The following VAPA variants were observed in gnomAD, a reference collection of about 807,000 sequenced individuals.
VAPA encodes the protein vesicle-associated membrane protein-associated protein A.
In VAPA, 6 loss-of-function variants were observed where a neutral mutation model predicts 25.6. The ratio of observed to expected loss-of-function variants is 0.23; its 90% CI spans 0.13 to 0.46. The LOEUF is 0.46. VAPA is among the 20% of genes least tolerant of loss of function. The pLI is 0.99. For synonymous variants in VAPA, 112 were observed against 106.2 expected (o/e 1.05, Z -0.34); for missense variants, 244 against 302.1 (o/e 0.81, Z 1.43).
intron 1 of VAPA, among the ~76,000 whole-genome samples, chr18:9,927,687 T>C (rs1157827446): frequency 2.6e-5 from 4 of 152,280 alleles, no homozygotes; most frequent in Admixed American, 6.5e-5. Flanking sequence ...GACTTTTGGG[T>C]GAGCTGCCTT....
chr18:9,919,874 G>C (rs1334837913), intron 1 of VAPA, among the ~76,000 whole-genome samples: 1 of 152,214 alleles, frequency 6.6e-6, no homozygotes, highest in Non-Finnish European at 1.5e-5. Context: ...TACTAGAGGG[G>C]AGAAAGAGAT....
rs747717940 is a variant in VAPA, at chr18:9,954,232, G to GTT, written c.*23_*24dup. ...TGTAGAGTGAAGCATGCAGAGTGCT[G>GTT]TTTCTTTTTTTTTTTTTCTCTTGAC... is the stretch of plus-strand genomic sequence containing the variant. On this transcript the variant is annotated 3_prime_UTR_variant, in exon 6 of 6. Coordinates refer to ENST00000400000, the MANE Select transcript of VAPA (RefSeq NM_194434.3). The GTT allele has an allele frequency of 9.9e-6, 15 of 1,510,008 alleles. No individual in the cohort carries two copies. The African/African-American group carries it at 1.3e-4, about 13-fold the overall frequency. The allele number at this position is 1,510,008 out of a possible 1,614,324, so 93.5% of individuals were successfully genotyped here. A position where few individuals can be genotyped will look rare whatever the true frequency, so the allele number is the denominator to read the frequency against.
At chr18:9,931,749 A>G (rs190342631) in intron 1 of VAPA, 61 bp from the exon 2 acceptor site, 200 of 1,440,486 alleles carry the variant, frequency 1.4e-4, no homozygotes, top group Admixed American at 1.2e-3. Context: ...TCAGTTTTGA[A>G]TCCTTCGTTG....
chr18:9,938,130 G>A (rs1202931222), intron 4 of VAPA, among the ~76,000 whole-genome samples: 1 of 152,110 alleles, frequency 6.6e-6, no homozygotes, highest in East Asian at 1.9e-4. Flanking sequence ...GAAGCTAATA[G>A]CTTGCCCAGC....
At chr18:9,933,499 C>T (rs941493523) in intron 2 of VAPA, among the ~76,000 whole-genome samples, 1 of 152,200 alleles carries the variant, frequency 6.6e-6, no homozygotes, top group Non-Finnish European at 1.5e-5. Flanking sequence ...TTGCTGCTTT[C>T]TACTACATCT....
rs10642192 is a variant in VAPA at position 9,937,218 on chromosome 18, C to CTTTT, written c.417+167_417+170dup. 176 of 205,240 alleles carry CTTTT rather than the reference C, an allele frequency of 8.6e-4. 1 individual carries two copies. Among genetic ancestry groups the CTTTT allele is most frequent in the Middle Eastern group, 3.4e-3 (2 of 588 alleles). The allele number at this position is 205,240 out of a possible 1,614,324, so 12.7% of individuals were successfully genotyped here. On this transcript the variant is annotated intron_variant, in intron 4 of 5. Coordinates refer to ENST00000400000, the MANE Select transcript of VAPA (RefSeq NM_194434.3). ...TTAAGTTTTAAAAAACTTGGTATGC[C>CTTTT]TTTTTTTTTTTTTTTTTTAAAGTAA... is the stretch of plus-strand genomic sequence containing the variant.
At chr18:9,919,511 T>A (rs887775054) in intron 1 of VAPA, among the ~76,000 whole-genome samples, 2 of 152,216 alleles carry the variant, frequency 1.3e-5, no homozygotes, top group African/African-American at 4.8e-5. Flanking sequence ...CCTGAAGAGC[T>A]ATATAGTGCT....
chr18:9,950,422 C>G lies in VAPA; in HGVS notation c.445C>G (p.Pro149Ala). The G allele has an allele frequency of 6.2e-7, 1 of 1,613,730 alleles. No individual in the cohort carries two copies. The highest frequency in any genetic ancestry group is 8.5e-7 in the Non-Finnish European group (1 of 1,179,948). ...LNDMEPSKAV[P>A]LNASKQDGPM... ...TGATATGGAACCTAGCAAAGCTGTT[C>G]CACTGAATGCATCTAAGCAAGATGG... Residue 149 changes from proline to alanine, a missense_variant, in exon 5 of 6, where the codon CCA becomes GCA. Pro to Ala is a conservative substitution (Grantham distance 27). Coordinates refer to ENST00000400000, the MANE Select transcript of VAPA (RefSeq NM_194434.3).
chr18:9,945,454 G>A (rs916377275), intron 4 of VAPA, among the ~76,000 whole-genome samples: 1 of 129,822 alleles, frequency 7.7e-6, no homozygotes, highest in Admixed American at 9.6e-5. Flanking sequence ...CTGCCTCCCC[G>A]GTTCAAGGGA....
At chr18:9,917,536 C>T (rs1322556479) in intron 1 of VAPA, among the ~76,000 whole-genome samples, 2 of 152,214 alleles carry the variant, frequency 1.3e-5, no homozygotes, top group African/African-American at 2.4e-5. Flanking sequence ...CTGCCTTGGC[C>T]TCCCAAAGTG....
At chr18:9,915,431 A>G (rs2069104118) in intron 1 of VAPA, among the ~76,000 whole-genome samples, 1 of 152,182 alleles carries the variant, frequency 6.6e-6, no homozygotes, top group Non-Finnish European at 1.5e-5. Flanking sequence ...GTTAAAATGT[A>G]CAGATTTTTA....
intron 2 of VAPA, among the ~76,000 whole-genome samples, chr18:9,935,741 CGTT>C (rs2069303016): frequency 6.6e-6 from 1 of 152,122 alleles, no homozygotes; most frequent in Non-Finnish European, 1.5e-5. Context: ...TTATAGTTAA[CGTT>C]GGCAAAGTTT....
chr18:9,932,223 A>G (rs1250374306), intron 2 of VAPA, among the ~76,000 whole-genome samples: 1 of 152,196 alleles, frequency 6.6e-6, no homozygotes, highest in Non-Finnish European at 1.5e-5. Context: ...GCTAACCACT[A>G]CCTTCTCTGC....
chr18:9,939,740 TG>T (rs1385901930), intron 4 of VAPA, among the ~76,000 whole-genome samples: 1 of 152,148 alleles, frequency 6.6e-6, no homozygotes, highest in Non-Finnish European at 1.5e-5. Flanking sequence ...GAAACATTTT[TG>T]GTTTTCACAA....
At chr18:9,916,446 T>C (rs922915807) in intron 1 of VAPA, among the ~76,000 whole-genome samples, 1 of 152,216 alleles carries the variant, frequency 6.6e-6, no homozygotes, top group Non-Finnish European at 1.5e-5. Flanking sequence ...AGGCTTGTTT[T>C]TCATTTCAGG....
chr18:9,950,677 T>C (rs930000165), intron 5 of VAPA, 109 bp downstream of exon 5: 61 of 1,207,862 alleles, frequency 5.1e-5, no homozygotes, highest in Middle Eastern at 4.1e-4. Flanking sequence ...TGGTCAGTTC[T>C]TTCTTCTTTG....
At chr18:9,932,280 C>T (rs1054784394) in intron 2 of VAPA, among the ~76,000 whole-genome samples, 2 of 152,152 alleles carry the variant, frequency 1.3e-5, no homozygotes, top group Admixed American at 6.5e-5. Context: ...TCTGATGGGT[C>T]ATTCTCCTTC....
chr18:9,953,852 T>C (rs1709177104), intron 5 of VAPA, among the ~76,000 whole-genome samples: 1 of 152,222 alleles, frequency 6.6e-6, no homozygotes, highest in East Asian at 1.9e-4. Flanking sequence ...CATAGAACTT[T>C]GTAACCATCA....
At chr18:9,948,477 A>G (rs1356740153) in intron 4 of VAPA, 1 of 152,226 alleles carries the variant, frequency 6.6e-6, no homozygotes, top group Non-Finnish European at 1.5e-5. Context: ...GTAATTTAAA[A>G]TTTTATGCAA....
Sources: allele counts gnomAD v4.1 joint callset (sites outside exome capture counted in the v4.1 genomes callset), GRCh38; gene constraint gnomAD v4.1.1; transcripts MANE v1.5; gene names NCBI Gene and HGNC (gene_info 2026-07-23, HGNC 2026-07-21).